The following NRXN1 variants were observed in gnomAD, a reference collection of about 807,000 sequenced individuals.
NRXN1 encodes neurexin-1.
NRXN1 carries 39 observed loss-of-function variants against 150.9 expected under a neutral mutation model. That is an observed-to-expected ratio of 0.26 (90% CI 0.20 to 0.34). The LOEUF is 0.34. Among genes scored for constraint, NRXN1 ranks in the 10% least tolerant of loss-of-function variants. The pLI is 1.00. For synonymous variants in NRXN1, 924 were observed against 757.0 expected, an observed-to-expected ratio of 1.22 and a Z score of -3.62; for missense variants, 1,815 against 1,949.9, an observed-to-expected ratio of 0.93 and a Z score of 1.30.
chr2:50,580,608 G>A (rs113949760), intron 8 of NRXN1, among the ~76,000 whole-genome samples: 17 of 152,310 alleles, frequency 1.1e-4, no homozygotes, highest in African/African-American at 3.6e-4. Flanking sequence ...AACAAGAAAT[G>A]TGTCAAGTGA....
At chr2:50,250,030 C>G (rs1210489337) in intron 17 of NRXN1, among the ~76,000 whole-genome samples, 2 of 152,146 alleles carry the variant, frequency 1.3e-5, no homozygotes, top group African/African-American at 4.8e-5. Context: ...CTAATAAATA[C>G]TTTACTGACT....
chr2:50,442,944 A>T (rs1419497550), intron 17 of NRXN1, among the ~76,000 whole-genome samples: 2 of 152,180 alleles, frequency 1.3e-5, no homozygotes, highest in Non-Finnish European at 2.9e-5. Flanking sequence ...AATGAATTTG[A>T]CAATGTGAAG....
intron 5 of NRXN1, among the ~76,000 whole-genome samples, chr2:50,876,221 C>T (rs1403415901): frequency 6.6e-6 from 1 of 151,590 alleles, no homozygotes; most frequent in Non-Finnish European, 1.5e-5. Context: ...AGAGGAGAAA[C>T]TAAGATTTTT....
At chr2:50,782,770 A>T (rs1182754666) in intron 5 of NRXN1, among the ~76,000 whole-genome samples, 1 of 152,162 alleles carries the variant, frequency 6.6e-6, no homozygotes, top group African/African-American at 2.4e-5. Flanking sequence ...GGCTGGTTCT[A>T]AACCTAACAG....
intron 17 of NRXN1, among the ~76,000 whole-genome samples, chr2:50,430,691 C>T (rs1413356475): frequency 6.6e-6 from 1 of 152,118 alleles, no homozygotes; most frequent in Non-Finnish European, 1.5e-5. Context: ...AATTACCAGT[C>T]TTAGTTAATG....
At chr2:50,868,972 A>G (rs1677362426) in intron 5 of NRXN1, among the ~76,000 whole-genome samples, 1 of 151,862 alleles carries the variant, frequency 6.6e-6, no homozygotes, top group African/African-American at 2.4e-5. Context: ...AACTAATTTT[A>G]AGGCAAAACA....
At chr2:50,505,787 T>C (rs1014177132) in intron 13 of NRXN1, among the ~76,000 whole-genome samples, 1 of 152,156 alleles carries the variant, frequency 6.6e-6, no homozygotes, top group Non-Finnish European at 1.5e-5. Context: ...CATTTTGTGC[T>C]TTTTACCAGA....
At chr2:50,487,893 G>A (rs528738256) in intron 15 of NRXN1, among the ~76,000 whole-genome samples, 3 of 152,198 alleles carry the variant, frequency 2.0e-5, no homozygotes, top group African/African-American at 7.2e-5. Context: ...TCCTTCTTCT[G>A]GCATTTCCTG....
At chr2:50,083,915 A>AAACTCAG in intron 19 of NRXN1, among the ~76,000 whole-genome samples, 2 of 152,326 alleles carry the variant, frequency 1.3e-5, no homozygotes, top group South Asian at 4.1e-4. Flanking sequence ...AGTCCGCACC[A>AAACTCAG]GATCAGCTAG....
At chr2:50,106,052 T>C (rs556498958) in intron 18 of NRXN1, among the ~76,000 whole-genome samples, 72 of 152,074 alleles carry the variant, frequency 4.7e-4, no homozygotes, top group Admixed American at 1.7e-3. Flanking sequence ...CTTGTTTCTC[T>C]ACCATTTAAC....
intron 5 of NRXN1, among the ~76,000 whole-genome samples, chr2:50,724,640 G>T (rs1034386132): frequency 7.2e-5 from 11 of 151,970 alleles, no homozygotes; most frequent in Non-Finnish European, 1.3e-4. Flanking sequence ...TTTTAACTTG[G>T]CTGGGAGATT....
chr2:50,387,071 T>A (rs1352031516), intron 17 of NRXN1, among the ~76,000 whole-genome samples: 1 of 152,154 alleles, frequency 6.6e-6, no homozygotes, highest in East Asian at 1.9e-4. Context: ...AAGTTTCAAA[T>A]CTGATCATAT....
At chr2:50,002,096 C>A (rs564427653) in intron 21 of NRXN1, among the ~76,000 whole-genome samples, 45 of 152,034 alleles carry the variant, frequency 3.0e-4, no homozygotes, top group South Asian at 8.3e-4. Flanking sequence ...GAAAGGAATG[C>A]AGCCCTGCCA....
At chr2:50,682,237 C>T (rs76873524) in intron 5 of NRXN1, among the ~76,000 whole-genome samples, 4 of 152,244 alleles carry the variant, frequency 2.6e-5, no homozygotes, top group Non-Finnish European at 4.4e-5. Flanking sequence ...ATTACCCAGA[C>T]GGAAGATGAT....
chr2:50,055,111 T>G, intron 19 of NRXN1, 67 bp from the exon 20 acceptor site: 8 of 1,097,938 alleles, frequency 7.3e-6, no homozygotes, highest in Non-Finnish European at 1.0e-5. Context: ...AGTTAATACT[T>G]AAAGATTGAG....
At chr2:50,961,149 C>G (rs1299107935) in intron 2 of NRXN1, among the ~76,000 whole-genome samples, 2 of 151,884 alleles carry the variant, frequency 1.3e-5, no homozygotes, top group African/African-American at 4.8e-5. Flanking sequence ...TTCCCATCCA[C>G]TATGATATTT....
intron 13 of NRXN1, among the ~76,000 whole-genome samples, chr2:50,504,626 C>T (rs562054014): frequency 6.6e-6 from 1 of 152,118 alleles, no homozygotes; most frequent in Non-Finnish European, 1.5e-5. Context: ...CTACATCCAC[C>T]GCAGTACAGG....
At chr2:49,962,009 G>A (rs553526766) in intron 21 of NRXN1, among the ~76,000 whole-genome samples, 19 of 152,242 alleles carry the variant, frequency 1.2e-4, no homozygotes, top group African/African-American at 3.9e-4. Flanking sequence ...GGAGGAGGCC[G>A]AGGCAGGAGG....
chr2:50,100,671 T>G (rs1027401172), intron 18 of NRXN1, among the ~76,000 whole-genome samples: 4 of 151,992 alleles, frequency 2.6e-5, no homozygotes, highest in Non-Finnish European at 4.4e-5. Flanking sequence ...CCAAATAGCA[T>G]ACGTTTGCAG....
Sources: gnomAD v4.1 joint callset for allele counts (sites outside exome capture counted in the v4.1 genomes callset) on GRCh38, gnomAD v4.1.1 for gene constraint, MANE v1.5 for transcripts, NCBI Gene and HGNC (gene_info 2026-07-23, HGNC 2026-07-21) for gene names.